The following LILRA2 variants were observed in gnomAD, a reference collection of about 807,000 sequenced individuals.
The protein encoded by LILRA2 is leukocyte immunoglobulin-like receptor subfamily A member 2.
Under a neutral mutation model 47.9 loss-of-function variants are expected in LILRA2, and 45 were observed. The observed-to-expected ratio is 0.94, with a 90% CI of 0.74 to 1.20. The LOEUF (loss-of-function observed/expected upper bound fraction) is 1.20. LILRA2 is among the 50% of genes most tolerant of loss of function. The pLI, the probability that LILRA2 is intolerant of heterozygous loss-of-function variation, is 0.00. For synonymous variants in LILRA2, 279 were observed against 249.2 expected (o/e 1.12, Z -1.13); for missense variants, 651 against 598.2 (o/e 1.09, Z -0.92).
chr19:54,587,136 G>A lies in LILRA2; in HGVS notation c.1307-65G>A, dbSNP rs369013109. 2.0e-4 allele frequency: 329 copies of A among 1,610,910 alleles called. 1 individual carries two copies. The African/African-American group carries it at 4.0e-3, about 20-fold the overall frequency. ...CTGTAAAGGGGAGGTGGGTGCCCTG[G>A]GTGGACATACAGGAGTCCCGGGGTG... On this transcript the variant is annotated intron_variant, in intron 7 of 7. Coordinates refer to ENST00000391738, the MANE Select transcript of LILRA2 (RefSeq NM_001130917.3).
At chr19:54,576,229 TC>T in intron 6 of LILRA2, 120 bp downstream of exon 6, 4 of 1,358,506 alleles carry the variant, frequency 2.9e-6, no homozygotes, top group Non-Finnish European at 4.1e-6. Context: ...CAGGGGAGGG[TC>T]CAGCCCATGG....
chr19:54,573,480 GA>G, upstream of LILRA2: 1 of 1,088,846 alleles, frequency 9.2e-7, no homozygotes, highest in Non-Finnish European at 1.4e-6. Context: ...CTGAAGGAGG[GA>G]GGGAGACCCC....
Position 54,575,374 on chromosome 19 carries a change from G to T in LILRA2, c.774G>T (p.Glu258Asp). ...ACGACAGATTTGTTCTGTATAAGGAGGGAGAACGTGACTTCCTCCAGCGCC... is the reference window on the plus strand; with the variant it reads ...ACGACAGATTTGTTCTGTATAAGGATGGAGAACGTGACTTCCTCCAGCGCC... ...VGYDRFVLYK[E>D]GERDFLQRPG... is the part of the protein sequence containing the mutation. Residue 258 changes from glutamate (E) to aspartate (D), a missense_variant, in exon 5 of 8, where the codon GAG becomes GAT. Transcript: ENST00000391738. 6.2e-7 allele frequency: 1 copy of T among 1,614,140 alleles called. No homozygotes were observed. The highest frequency in any genetic ancestry group is 8.5e-7 in the Non-Finnish European group (1 of 1,180,000).
chr19:54,577,286 C>T (rs891166621), intron 6 of LILRA2, among the ~76,000 whole-genome samples: 1 of 152,056 alleles, frequency 6.6e-6, no homozygotes, highest in Non-Finnish European at 1.5e-5. Flanking sequence ...CTGGCCTTGT[C>T]CTGCAGGATG....
chr19:54,587,756 T>C lies in LILRA2; in HGVS notation c.*410T>C, dbSNP rs1026308231. On this transcript the variant is annotated 3_prime_UTR_variant, in exon 8 of 8. Coordinates refer to ENST00000391738, the MANE Select transcript of LILRA2 (RefSeq NM_001130917.3). ...AGTCCCCGTCTCTTCAGTTCAGAGA[T>C]CCAAACCTGAACCACCAACTAAATC... 2.2e-5 allele frequency: 4 copies of C among 183,776 alleles called. No individual in the cohort carries two copies. Among genetic ancestry groups the C allele is most frequent in the African/African-American group, 7.0e-5 (3 of 42,650 alleles). The allele number at this position is 183,776 out of a possible 1,614,324, so 11.4% of individuals were successfully genotyped here.
intron 6 of LILRA2, among the ~76,000 whole-genome samples, chr19:54,584,940 A>G: frequency 6.6e-6 from 1 of 152,126 alleles, no homozygotes; most frequent in Non-Finnish European, 1.5e-5. Context: ...GATGTTGGTG[A>G]CCTAGGGATG....
chr19:54,586,974 G>A (rs2062829091), intron 6 of LILRA2, 36 bp from the exon 7 acceptor site: 5 of 1,547,418 alleles, frequency 3.2e-6, no homozygotes, highest in African/African-American at 1.4e-5. Flanking sequence ...GAGTGAGGCT[G>A]GGCTCAGGGC....
At chr19:54,580,290 T>C (rs2062610284) in intron 6 of LILRA2, among the ~76,000 whole-genome samples, 3 of 116,784 alleles carry the variant, frequency 2.6e-5, no homozygotes, top group Middle Eastern at 3.5e-3. Flanking sequence ...CATGCTGGTG[T>C]GCTGCACCCA....
chr19:54,573,228 C>A, upstream of LILRA2: 1 of 452,452 alleles, frequency 2.2e-6, no homozygotes, highest in South Asian at 2.4e-5. Flanking sequence ...CTAGCCTTCA[C>A]CCACCTCAGC....
upstream of LILRA2, chr19:54,573,529 CA>C (rs2062211524): frequency 1.2e-6 from 1 of 858,758 alleles, no homozygotes; most frequent in Non-Finnish European, 1.9e-6. Flanking sequence ...AGCCTCTGCT[CA>C]CCCTCATCTG....
At chr19:54,578,475 A>G (rs1216406904) in intron 6 of LILRA2, among the ~76,000 whole-genome samples, 1 of 152,212 alleles carries the variant, frequency 6.6e-6, no homozygotes, top group African/African-American at 2.4e-5. Context: ...TAACGGCTGC[A>G]TAGTATTCCA....
chr19:54,587,302 G>A lies in LILRA2; in HGVS notation c.1408G>A (p.Ala470Thr). 6.2e-7 allele frequency: 1 copy of A among 1,614,116 alleles called. No individual in the cohort carries two copies. The highest frequency in any genetic ancestry group is 2.2e-5 in the East Asian group (1 of 44,880). ...GGTCCTCGGGATTCTGCTATTTGAG[G>A]CTCAGCACAGCCAGAGAAGCCTACA... ...LVVLGILLFE[A>T]QHSQRSLQDA... Residue 470 changes from alanine to threonine, a missense_variant, in exon 8 of 8, where the codon GCT becomes ACT. Physicochemically the swap from Ala to Thr is moderately conservative, Grantham distance 58. Transcript: ENST00000391738.
chr19:54,585,761 C>G (rs891000883), intron 6 of LILRA2, among the ~76,000 whole-genome samples: 2 of 152,190 alleles, frequency 1.3e-5, no homozygotes, highest in African/African-American at 2.4e-5. Flanking sequence ...GGTGAGGCGA[C>G]ACCCCATCCT....
chr19:54,584,945 G>A (rs763256081), intron 6 of LILRA2, among the ~76,000 whole-genome samples: 1 of 152,164 alleles, frequency 6.6e-6, no homozygotes, highest in Non-Finnish European at 1.5e-5. Context: ...TGGTGACCTA[G>A]GGATGGGGTT....
rs951946062 is a variant in LILRA2, at chr19:54,589,398, G to A, written c.*2052G>A. On this transcript the variant is annotated 3_prime_UTR_variant, in exon 8 of 8. Transcript: ENST00000391738. The stretch of plus-strand genomic sequence containing the variant: ...CACGCCTGTAATCCCAGCTACTCAG[G>A]AGGCTGAGACAGGAGAATCGCGTCA... The A allele has an allele frequency of 1.3e-5, 2 of 152,120 alleles. No homozygotes were observed. The highest frequency in any genetic ancestry group is 4.8e-5 in the African/African-American group (2 of 41,412). 9.4% of individuals were successfully genotyped at this position (152,120 alleles called of 1,614,324 possible).
chr19:54,574,405 C>T lies in LILRA2; in HGVS notation c.175C>T (p.His59Tyr). The change falls in exon 3 of 8, where the codon CAT (histidine) becomes TAT (tyrosine). Residue 59 changes from histidine (H) to tyrosine (Y), a missense_variant. Transcript: ENST00000391738. ...CQGSLQAEEY[H>Y]LYRENKSASW... ...GGGGAGCCTTCAGGCTGAGGAGTACCATCTATATAGGGAAAACAAATCAGC... is the reference window on the plus strand; with the variant it reads ...GGGGAGCCTTCAGGCTGAGGAGTACTATCTATATAGGGAAAACAAATCAGC... 3 of 1,614,120 alleles carry T rather than the reference C, an allele frequency of 1.9e-6. No individual in the cohort carries two copies. Among genetic ancestry groups the T allele is most frequent in the African/African-American group, 2.7e-5 (2 of 75,004 alleles).
chr19:54,585,268 G>A (rs575569328), intron 6 of LILRA2, among the ~76,000 whole-genome samples: 9 of 152,300 alleles, frequency 5.9e-5, no homozygotes, highest in South Asian at 2.1e-4. Context: ...CAGTCTGTCC[G>A]TTGTTGGAGC....
chr19:54,578,019 C>A lies in LILRA2; in HGVS notation c.1255+1910C>A, dbSNP rs891189906. ...GAAGATTTTCTTAATGAATTTAAGA[C>A]ATGTTTTGAAATTTTACTCCTAAGA... On this transcript the variant is annotated intron_variant, in intron 6 of 7. Coordinates refer to ENST00000391738, the MANE Select transcript of LILRA2 (RefSeq NM_001130917.3). Among the ~76,000 whole-genome samples, 151 of 151,242 alleles carry A rather than the reference C, an allele frequency of 1.0e-3. No individual in the cohort carries two copies. In the South Asian group the frequency reaches 0.022, roughly 22 times the overall value.
intron 6 of LILRA2, 110 bp downstream of exon 6, chr19:54,576,219 C>T (rs1056153684): frequency 6.8e-6 from 10 of 1,479,648 alleles, no homozygotes; most frequent in East Asian, 4.6e-5. Context: ...GGAGGGTCCA[C>T]AGGGGAGGGT....
Sources: gnomAD v4.1 joint callset for allele counts (sites outside exome capture counted in the v4.1 genomes callset) on GRCh38, gnomAD v4.1.1 for gene constraint, MANE v1.5 for transcripts, NCBI Gene and HGNC (gene_info 2026-07-23, HGNC 2026-07-21) for gene names.